CD163L1: variants seen among roughly 807,000 people sequenced by gnomAD.
CD163L1 encodes the protein CD163 molecule like 1, also known as scavenger receptor cysteine-rich type 1 protein M160.
CD163L1 carries 124 observed loss-of-function variants against 165.4 expected under a neutral mutation model. That is an observed-to-expected ratio of 0.75 (90% CI 0.65 to 0.87). The LOEUF (loss-of-function observed/expected upper bound fraction) is 0.87, where lower values mean the gene tolerates loss of function less well. Among genes scored for constraint, CD163L1 ranks in the 40% least tolerant of loss-of-function variants. CD163L1 has a pLI of 0.00. For missense variants in CD163L1, 1,525 were observed against 1,799.9 expected (o/e 0.85, Z 2.76); for synonymous variants, 585 against 662.2 (o/e 0.88, Z 1.79).
At chr12:7,373,985 T>A (rs1947198961) in intron 13 of CD163L1, among the ~76,000 whole-genome samples, 1 of 152,246 alleles carries the variant, frequency 6.6e-6, no homozygotes, top group South Asian at 2.1e-4. Context: ...GATACAGTTA[T>A]GGGTTCTTAG....
chr12:7,439,582 G>A (rs944201521), intron 2 of CD163L1: 1 of 1,590,232 alleles, frequency 6.3e-7, no homozygotes, highest in Non-Finnish European at 8.6e-7. Context: ...ACCGCTATCA[G>A]AGTTCGCCTC....
At chr12:7,411,144 C>A (rs1948131645) in intron 4 of CD163L1, among the ~76,000 whole-genome samples, 1 of 151,932 alleles carries the variant, frequency 6.6e-6, no homozygotes. Context: ...GGAACAATAC[C>A]TTCCAGACAT....
chr12:7,338,980 T>A, the CD163L1 span, among the ~76,000 whole-genome samples: 1 of 152,174 alleles, frequency 6.6e-6, no homozygotes, highest in African/African-American at 2.4e-5. Flanking sequence ...GTTATCTCCC[T>A]TTTTACTTGA....
downstream of CD163L1, among the ~76,000 whole-genome samples, chr12:7,346,280 C>T (rs748775778): frequency 2.0e-5 from 3 of 151,928 alleles, no homozygotes; most frequent in South Asian, 6.3e-4. Flanking sequence ...TTTTTTATTC[C>T]ATTTTATTTT....
chr12:7,375,788 C>T lies in CD163L1; in HGVS notation c.2598G>A (p.Gly866=), dbSNP rs1264448849. 1.9e-6 allele frequency: 3 copies of T among 1,614,096 alleles called. No homozygotes were observed. The African/African-American group carries it at 4.0e-5, about 22-fold the overall frequency. The change falls in exon 10 of 20, where the codon GGG becomes GGA. Residue 866 remains glycine, a synonymous_variant. Coordinates refer to ENST00000313599, the MANE Select transcript of CD163L1 (RefSeq NM_174941.6). ...LTWAEKFQCE[G]SETHLALCPI... ...GGCATAATGCAAGGTGAGTTTCACT[C>T]CCTTCACACTGGAACTTTTCGGCCC...
chr12:7,409,291 A>G (rs936344381), intron 4 of CD163L1, among the ~76,000 whole-genome samples: 2 of 152,202 alleles, frequency 1.3e-5, no homozygotes, highest in African/African-American at 4.8e-5. Flanking sequence ...ATCTGCCTAA[A>G]TGTAGCACAC....
rs756590362 is a variant in CD163L1 at position 7,421,558 on chromosome 12, T to C, written c.766+10858A>G. On this transcript the variant is annotated intron_variant, in intron 4 of 19. Coordinates refer to ENST00000313599, the MANE Select transcript of CD163L1 (RefSeq NM_174941.6). ...ATATACGTACACATATACATATACATATATGTACATATATACATGTACATA... is the reference window on the plus strand; with the variant it reads ...ATATACGTACACATATACATATACACATATGTACATATATACATGTACATA... 4.8e-4 allele frequency among the ~76,000 whole-genome samples: 65 copies of C among 135,898 alleles called. 11 individuals carry two copies. The highest frequency in any genetic ancestry group is 1.7e-3 in the African/African-American group (61 of 35,780). 89.2% of individuals were successfully genotyped at this position (135,898 alleles called of 152,430 possible). A position where few individuals can be genotyped will look rare whatever the true frequency, so the allele number is the denominator to read the frequency against.
At chr12:7,440,739 A>G (rs1312076921) in intron 2 of CD163L1, among the ~76,000 whole-genome samples, 1 of 149,488 alleles carries the variant, frequency 6.7e-6, no homozygotes, top group Non-Finnish European at 1.5e-5. Flanking sequence ...CAATTCTTCC[A>G]CTTCAGCCCC....
chr12:7,370,261 C>T (rs772417182), intron 14 of CD163L1, among the ~76,000 whole-genome samples: 17 of 152,294 alleles, frequency 1.1e-4, no homozygotes, highest in African/African-American at 1.9e-4. Flanking sequence ...TCCTTTAAGC[C>T]GGTTCCTGAA....
chr12:7,379,010 T>C lies in CD163L1; in HGVS notation c.2339A>G (p.His780Arg), dbSNP rs776478245. Residue 780 changes from histidine (H) to arginine (R), a missense_variant, in exon 9 of 20, where the codon CAT becomes CGT. Physicochemically the swap from His to Arg is conservative, Grantham distance 29. Coordinates refer to ENST00000313599, the MANE Select transcript of CD163L1 (RefSeq NM_174941.6). ...GATCAAACTTGCTTCCATATTTAAA[T>C]GACACGCAGTCTGTTTCCACTCCCA... ...IRWEWKQTAC[H>R]LNMEASLICS... 34 of 1,608,210 alleles carry C rather than the reference T, an allele frequency of 2.1e-5. No individual in the cohort carries two copies. The South Asian group carries it at 2.4e-4, about 11-fold the overall frequency.
chr12:7,352,173 C>T (rs1946710442), downstream of CD163L1, among the ~76,000 whole-genome samples: 1 of 152,010 alleles, frequency 6.6e-6, no homozygotes, highest in African/African-American at 2.4e-5. Flanking sequence ...AATCCTGTCT[C>T]CCTAAAGGAA....
At chr12:7,434,971 T>C (rs753190386) in intron 2 of CD163L1, among the ~76,000 whole-genome samples, 67 of 152,302 alleles carry the variant, frequency 4.4e-4, no homozygotes, top group African/African-American at 1.3e-3. Context: ...CTGTTTCCTA[T>C]TTCTTTCTAT....
the CD163L1 span, chr12:7,323,465 G>C: frequency 9.2e-5 from 148 of 1,613,618 alleles, 1 homozygote; most frequent in Middle Eastern, 4.9e-4. Flanking sequence ...CCAGATTATA[G>C]ATGAAAATGG....
At chr12:7,324,249 C>T in the CD163L1 span, 1 of 1,609,656 alleles carries the variant, frequency 6.2e-7, no homozygotes, top group Non-Finnish European at 8.5e-7. Context: ...AGACTAATCC[C>T]CAAATGTCAT....
intron 13 of CD163L1, 72 bp from the exon 14 acceptor site, chr12:7,373,712 T>A: frequency 1.5e-6 from 2 of 1,291,992 alleles, no homozygotes; most frequent in Non-Finnish European, 2.1e-6. Context: ...AAGGAATCCA[T>A]TTTTCCCATG....
rs1591969239 is a variant in CD163L1 at position 7,432,809 on chromosome 12, T to C, written c.446-73A>G. 7.8e-7 allele frequency: 1 copy of C among 1,287,780 alleles called. No individual in the cohort carries two copies. Among genetic ancestry groups the C allele is most frequent in the Non-Finnish European group, 1.1e-6 (1 of 928,130 alleles). 79.8% of individuals were successfully genotyped at this position (1,287,780 alleles called of 1,614,324 possible). A position where few individuals can be genotyped will look rare whatever the true frequency, so the allele number is the denominator to read the frequency against. On this transcript the variant is annotated intron_variant, in intron 3 of 19. Transcript: ENST00000313599. The surrounding 1 kb of genome is among the most constrained non-coding windows in gnomAD (Gnocchi z 4.2). ...CCTGAAATAAAATCAAAAGGATACG[T>C]AGAAGACAGCCCTGTTATGAATGAA...
At chr12:7,401,774 G>T (rs1333575641) in intron 6 of CD163L1, among the ~76,000 whole-genome samples, 1 of 151,720 alleles carries the variant, frequency 6.6e-6, no homozygotes, top group African/African-American at 2.4e-5. Flanking sequence ...AATCACAAAA[G>T]ATTTGAATGA....
chr12:7,427,284 A>G (rs1407390140), intron 4 of CD163L1, among the ~76,000 whole-genome samples: 1 of 152,142 alleles, frequency 6.6e-6, no homozygotes, highest in African/African-American at 2.4e-5. Context: ...TTCACTTTCA[A>G]TGTTCTTTAG....
intron 8 of CD163L1, among the ~76,000 whole-genome samples, chr12:7,385,725 A>C (rs1466478319): frequency 2.0e-5 from 3 of 152,064 alleles, no homozygotes; most frequent in South Asian, 2.1e-4. Context: ...AACTGTAAAA[A>C]TACATGGGAA....
Sources: gnomAD v4.1 joint callset for allele counts (sites outside exome capture counted in the v4.1 genomes callset) on GRCh38, gnomAD v4.1.1 for gene constraint, Gnocchi (gnomAD v3.1) non-coding constraint, MANE v1.5 for transcripts, NCBI Gene and HGNC (gene_info 2026-07-23, HGNC 2026-07-21) for gene names.